SPTB: variants seen among roughly 807,000 people sequenced by gnomAD.
The protein encoded by SPTB is spectrin beta, erythrocytic, also known as spectrin beta chain, erythrocytic.
A neutral mutation model predicts 256.2 loss-of-function variants in SPTB; 45 were observed. The ratio of observed to expected loss-of-function variants is 0.18; its 90% CI spans 0.14 to 0.23. The LOEUF (loss-of-function observed/expected upper bound fraction) is 0.23. Ranked by LOEUF, SPTB falls within the 10% of genes least tolerant of loss-of-function variation. SPTB has a pLI of 1.00. For synonymous variants in SPTB, 1,231 were observed against 1,243.1 expected, an observed-to-expected ratio of 0.99 and a Z score of 0.21; for missense variants, 2,715 against 3,040.4, an observed-to-expected ratio of 0.89 and a Z score of 2.52.
chr14:64,795,244 G>A lies in SPTB; in HGVS notation c.1644+93C>T, dbSNP rs1280314629. The A allele has an allele frequency of 6.3e-6, 9 of 1,420,970 alleles. No homozygotes were observed. Among genetic ancestry groups the A allele is most frequent in the Non-Finnish European group, 8.7e-6 (9 of 1,034,580 alleles). 88.0% of individuals were successfully genotyped at this position (1,420,970 alleles called of 1,614,324 possible). On this transcript the variant is annotated intron_variant, in intron 12 of 35. Transcript: ENST00000644917. The surrounding 1 kb of genome is among the most constrained non-coding windows in gnomAD (Gnocchi z 6.5). ...TTTGACTCAGAGATATGACTGGCTGGGAGGTGTCTAAGGAAGCCTATGCTA... is the reference window on the plus strand; with the variant it reads ...TTTGACTCAGAGATATGACTGGCTGAGAGGTGTCTAAGGAAGCCTATGCTA...
At chr14:64,812,071 T>C (rs940689776) in intron 2 of SPTB, among the ~76,000 whole-genome samples, 2 of 152,166 alleles carry the variant, frequency 1.3e-5, no homozygotes, top group Admixed American at 6.6e-5. Context: ...TTAAAAAAAA[T>C]TTGAGTAGCT....
intron 2 of SPTB, 76 bp from the exon 3 acceptor site, chr14:64,805,166 C>T (rs1436020792): frequency 3.2e-6 from 5 of 1,558,986 alleles, no homozygotes; most frequent in Non-Finnish European, 4.4e-6. Flanking sequence ...AGGGGTTTTA[C>T]CTTAAGCCCA....
At chr14:64,835,014 T>C (rs888806520) in intron 1 of SPTB, among the ~76,000 whole-genome samples, 3 of 152,236 alleles carry the variant, frequency 2.0e-5, no homozygotes, top group Admixed American at 2.0e-4. Context: ...CCAATTTATT[T>C]ATTCATCCAT....
In SPTB at chr14:64,749,853, C is replaced by CT; in HGVS notation, c.6776+127dup. The CT allele has an allele frequency of 6.6e-7, 1 of 1,506,132 alleles. No homozygotes were observed. Among genetic ancestry groups the CT allele is most frequent in the Non-Finnish European group, 9.2e-7 (1 of 1,089,552 alleles). 93.3% of individuals were successfully genotyped at this position (1,506,132 alleles called of 1,614,324 possible). A position where few individuals can be genotyped will look rare whatever the true frequency, so the allele number is the denominator to read the frequency against. ...AGGTCAAAGTCTGGACCATCAGCCT[C>CT]TTTGATTTGAAAAACCCCTGAGGAG... On this transcript the variant is annotated intron_variant, in intron 34 of 35. Transcript: ENST00000644917. The surrounding 1 kb of genome is among the most constrained non-coding windows in gnomAD (Gnocchi z 4.7).
At position 64,767,725 on chromosome 14, in the gene SPTB, C is replaced by A; in HGVS notation, c.6157G>T (p.Ala2053Ser). 1 of 1,614,228 alleles carries A rather than the reference C, an allele frequency of 6.2e-7. No individual in the cohort carries two copies. The highest frequency in any genetic ancestry group is 8.5e-7 in the Non-Finnish European group (1 of 1,180,040). Residue 2053 changes from alanine (A) to serine (S), a missense_variant, in exon 30 of 36, where the codon GCT becomes TCT. Ala to Ser is a moderately conservative substitution (Grantham distance 99). This residue lies in a region of SPTB where 2,239 missense variants were observed against 2,384.4 expected (regional missense o/e 0.94). Coordinates refer to ENST00000644917, the MANE Select transcript of SPTB (RefSeq NM_001355436.2). Reference protein sequence around the residue: ...SVEKLIKRHEAFEKSTASWAE... With the variant: ...SVEKLIKRHESFEKSTASWAE... ...CAGCTGGCCGTGGACTTCTCAAAAG[C>A]CTCATGCCTCTTGATGAGCTTCTCC... is the stretch of plus-strand genomic sequence containing the variant.
Position 64,796,529 on chromosome 14 carries a change from C to A in SPTB, c.1341+28G>T. On this transcript the variant is annotated intron_variant, in intron 11 of 35. Coordinates refer to ENST00000644917, the MANE Select transcript of SPTB (RefSeq NM_001355436.2). This position sits in a 1 kb window ranked among gnomAD's most constrained non-coding sequence, Gnocchi z 4.1. ...GGGGCTCTGAAGAATGTCCCCTCTC[C>A]TGTCACCCAAAGCATGTCCCTCATT... The A allele has an allele frequency of 6.2e-7, 1 of 1,614,078 alleles. No individual in the cohort carries two copies. Among genetic ancestry groups the A allele is most frequent in the South Asian group, 1.1e-5 (1 of 91,068 alleles).
chr14:64,792,119 A>C lies in SPTB; in HGVS notation c.2667-263T>G, dbSNP rs1191717497. Among the ~76,000 whole-genome samples the C allele has an allele frequency of 6.6e-6, 1 of 152,016 alleles. No individual in the cohort carries two copies. The highest frequency in any genetic ancestry group is 1.5e-5 in the Non-Finnish European group (1 of 67,996). On this transcript the variant is annotated intron_variant, in intron 14 of 35. Coordinates refer to ENST00000644917, the MANE Select transcript of SPTB (RefSeq NM_001355436.2). This position sits in a 1 kb window ranked among gnomAD's most constrained non-coding sequence, Gnocchi z 4.2. ...CCTACACGGGCTTCTGGCTCAAGAG[A>C]GACATATGAAGGGGAGGGAGGGCTG... is the stretch of plus-strand genomic sequence containing the variant.
intron 1 of SPTB, among the ~76,000 whole-genome samples, chr14:64,829,135 C>T (rs1045673246): frequency 1.3e-5 from 2 of 152,128 alleles, no homozygotes; most frequent in African/African-American, 2.4e-5. Flanking sequence ...TGACCTATGA[C>T]GTTCTTGCCA....
At chr14:64,871,948 A>G (rs902079075) in intron 1 of SPTB, among the ~76,000 whole-genome samples, 1 of 152,238 alleles carries the variant, frequency 6.6e-6, no homozygotes, top group African/African-American at 2.4e-5. Context: ...TGTTTCTCCC[A>G]TATCTTAATC....
chr14:64,806,287 G>A lies in SPTB; in HGVS notation c.149-1197C>T, dbSNP rs2082982374. On this transcript the variant is annotated intron_variant, in intron 2 of 35. Transcript: ENST00000644917. The surrounding 1 kb of genome is among the most constrained non-coding windows in gnomAD (Gnocchi z 4.1). ...CAGTTTGGTGGCAATTAGCTTCTGG[G>A]CACTTAGGTTTGAAGATTCAGGGAA... is the stretch of plus-strand genomic sequence containing the variant. 6.6e-6 allele frequency among the ~76,000 whole-genome samples: 1 copy of A among 152,196 alleles called. No homozygotes were observed.
At chr14:64,822,660 C>T (rs968995757) in intron 2 of SPTB, among the ~76,000 whole-genome samples, 2 of 152,138 alleles carry the variant, frequency 1.3e-5, no homozygotes, top group Non-Finnish European at 2.9e-5. Context: ...TTTGCCCAGA[C>T]TCTCGTACTT....
chr14:64,866,253 C>T lies in SPTB; in HGVS notation c.-52+13539G>A, dbSNP rs1040733697. Among the ~76,000 whole-genome samples, 1 of 152,178 alleles carries T rather than the reference C, an allele frequency of 6.6e-6. No homozygotes were observed. The highest frequency in any genetic ancestry group is 1.5e-5 in the Non-Finnish European group (1 of 68,036). ...CTTCTAGAAGCTGCTAGTTGTTTAT[C>T]CTACCCTCACTGTCAGCTCTCCATC... On this transcript the variant is annotated intron_variant, in intron 1 of 35. Transcript: ENST00000644917. The surrounding 1 kb of genome is among the most constrained non-coding windows in gnomAD (Gnocchi z 4.6).
At chr14:64,762,146 A>C (rs1350759138) in intron 32 of SPTB, among the ~76,000 whole-genome samples, 1 of 152,194 alleles carries the variant, frequency 6.6e-6, no homozygotes, top group Non-Finnish European at 1.5e-5. Context: ...CCCCTGCCAC[A>C]CTGACTCAGG....
chr14:64,768,936 G>A, intron 29 of SPTB, 98 bp downstream of exon 29: 1 of 996,640 alleles, frequency 1.0e-6, no homozygotes, highest in Non-Finnish European at 1.6e-6. Context: ...CTCCTCTCTA[G>A]GCAGTAGTGA....
At position 64,786,467 on chromosome 14, in the gene SPTB, C is replaced by T. The variant is rs1334918951; in HGVS notation, c.3498G>A (p.Gln1166=). 6.2e-7 allele frequency: 1 copy of T among 1,614,174 alleles called. No individual in the cohort carries two copies. The highest frequency in any genetic ancestry group is 1.3e-5 in the African/African-American group (1 of 75,066). Residue 1166 remains glutamine, a synonymous_variant, in exon 16 of 36, where the codon CAG becomes CAA. Transcript: ENST00000644917. This position sits in a 1 kb window ranked among gnomAD's most constrained non-coding sequence, Gnocchi z 5.6. ...MWESRSHTLA[Q]CLGFQEFQKD... Reference sequence around the variant, plus strand: ...TCTGGAACTCCTGGAAGCCAAGGCACTGAGCGAGGGTGTGGCTGCGGCTCT... The same window carrying T: ...TCTGGAACTCCTGGAAGCCAAGGCATTGAGCGAGGGTGTGGCTGCGGCTCT...
chr14:64,775,420 G>C lies in SPTB; in HGVS notation c.4564-17C>G. 1 of 1,608,876 alleles carries C rather than the reference G, an allele frequency of 6.2e-7. No individual in the cohort carries two copies. Among genetic ancestry groups the C allele is most frequent in the Non-Finnish European group, 8.5e-7 (1 of 1,176,514 alleles). ...CTGCAGTGTCTGCGGCCAGAAGGAA[G>C]GGCTCGGGGCAGGGCCTTCCCACCA... On this transcript the variant is annotated splice_polypyrimidine_tract_variant and intron_variant, in intron 22 of 35. Transcript: ENST00000644917. The surrounding 1 kb of genome is among the most constrained non-coding windows in gnomAD (Gnocchi z 5.0).
chr14:64,875,494 C>T (rs1490996969), intron 1 of SPTB, among the ~76,000 whole-genome samples: 4 of 152,224 alleles, frequency 2.6e-5, no homozygotes, highest in Non-Finnish European at 5.9e-5. Context: ...CTGCCTCCTA[C>T]GCTCTTCCTC....
At chr14:64,813,302 C>T (rs1024866864) in intron 2 of SPTB, among the ~76,000 whole-genome samples, 2 of 152,110 alleles carry the variant, frequency 1.3e-5, no homozygotes, top group Non-Finnish European at 1.5e-5. Flanking sequence ...CATTTTCAGT[C>T]GCTCACAGCC....
Position 64,770,757 on chromosome 14 carries a change from C to T in SPTB, c.5798+128G>A. 15 of 1,456,842 alleles carry T rather than the reference C, an allele frequency of 1.0e-5. No homozygotes were observed. In the South Asian group the frequency reaches 1.5e-4, roughly 15 times the overall value. 90.2% of individuals were successfully genotyped at this position (1,456,842 alleles called of 1,614,324 possible). ...CCAGCCTCAGGCCTCAAGTGTCCCC[C>T]AGGGATTTTCATGGAACGATAGTCC... On this transcript the variant is annotated intron_variant, in intron 27 of 35. Coordinates refer to ENST00000644917, the MANE Select transcript of SPTB (RefSeq NM_001355436.2).
Sources: allele counts gnomAD v4.1 joint callset (sites outside exome capture counted in the v4.1 genomes callset), GRCh38; gene constraint gnomAD v4.1.1; regional missense constraint gnomAD v4.1.1; non-coding constraint Gnocchi (gnomAD v3.1); transcripts MANE v1.5; gene names NCBI Gene and HGNC (gene_info 2026-07-23, HGNC 2026-07-21).